The following PTPRM variants were observed in gnomAD, a reference collection of about 807,000 sequenced individuals.
The protein encoded by PTPRM is protein tyrosine phosphatase receptor type M, also known as receptor-type tyrosine-protein phosphatase mu.
Under a neutral mutation model 186.7 loss-of-function variants are expected in PTPRM, and 47 were observed. That is an observed-to-expected ratio of 0.25 (90% CI 0.20 to 0.32). The LOEUF is 0.32. PTPRM is among the 10% of genes least tolerant of loss of function. The pLI is 1.00. For synonymous variants in PTPRM, 668 were observed against 674.9 expected, an observed-to-expected ratio of 0.99 and a Z score of 0.16; for missense variants, 1,494 against 1,865.0, an observed-to-expected ratio of 0.80 and a Z score of 3.66.
At chr18:7,699,491 G>A (rs1006065775) in intron 1 of PTPRM, among the ~76,000 whole-genome samples, 5 of 151,958 alleles carry the variant, frequency 3.3e-5, no homozygotes, top group South Asian at 4.2e-4. Context: ...TTACTGCAAC[G>A]TCTGCCTCCC....
chr18:8,146,025 CTTTTTTTT>C lies in PTPRM; in HGVS notation c.2300+2257_2300+2264del, dbSNP rs33980345. The stretch of plus-strand genomic sequence containing the variant: ...TCCTGACTTTTTATTTCTTTCTTTT[CTTTTTTTT>C]TTTTTTTTTTGAGATGGAGTTGTTT... On this transcript the variant is annotated intron_variant, in intron 14 of 32. Coordinates refer to ENST00000580170, the MANE Select transcript of PTPRM (RefSeq NM_001105244.2). Among the ~76,000 whole-genome samples, 538 of 109,872 alleles carry C rather than the reference CTTTTTTTT, an allele frequency of 4.9e-3. 2 individuals are homozygous for C. Among genetic ancestry groups the C allele is most frequent in the Middle Eastern group, 9.6e-3 (2 of 208 alleles). The allele number at this position is 109,872 out of a possible 152,430, so 72.1% of individuals were successfully genotyped here. A position where few individuals can be genotyped will look rare whatever the true frequency, so the allele number is the denominator to read the frequency against.
At chr18:7,656,720 A>G (rs2078619509) in intron 1 of PTPRM, among the ~76,000 whole-genome samples, 1 of 152,184 alleles carries the variant, frequency 6.6e-6, no homozygotes. Context: ...TGCATTTGAC[A>G]AAACCCATTT....
At chr18:7,939,983 C>T (rs1210809526) in intron 5 of PTPRM, among the ~76,000 whole-genome samples, 1 of 152,046 alleles carries the variant, frequency 6.6e-6, no homozygotes, top group Non-Finnish European at 1.5e-5. Flanking sequence ...CTCAGTGGTA[C>T]CTGAGGTTCT....
intron 31 of PTPRM, among the ~76,000 whole-genome samples, chr18:8,387,735 AGTGTGTGT>A (rs1555897050): frequency 6.6e-6 from 1 of 151,268 alleles, no homozygotes; most frequent in South Asian, 2.1e-4. Flanking sequence ...AAGGACCTGG[AGTGTGTGT>A]GTGTGCGTGT....
chr18:8,278,638 T>C (rs1322211551), intron 19 of PTPRM, among the ~76,000 whole-genome samples: 2 of 152,214 alleles, frequency 1.3e-5, no homozygotes, highest in Non-Finnish European at 2.9e-5. Context: ...TTATTGGGTA[T>C]GTGCAAAATT....
chr18:8,306,373 C>A (rs616096), intron 20 of PTPRM, among the ~76,000 whole-genome samples: 12,830 of 152,186 alleles, frequency 0.084, 914 homozygotes, highest in Admixed American at 0.2. Context: ...GTTGTAGAGC[C>A]AGCATCAAAT....
intron 1 of PTPRM, among the ~76,000 whole-genome samples, chr18:7,570,087 C>T (rs2036531165): frequency 6.6e-6 from 1 of 152,114 alleles, no homozygotes; most frequent in Non-Finnish European, 1.5e-5. Flanking sequence ...GATTGCACCA[C>T]TGCACCCCAG....
chr18:7,739,885 C>T (rs1467398873), intron 1 of PTPRM, among the ~76,000 whole-genome samples: 1 of 152,154 alleles, frequency 6.6e-6, no homozygotes. Context: ...CTGTGTGTCT[C>T]TTAGAGTATT....
At chr18:8,289,471 CACATAT>C (rs2095001029) in intron 19 of PTPRM, among the ~76,000 whole-genome samples, 1 of 72,268 alleles carries the variant, frequency 1.4e-5, no homozygotes. Context: ...TATATATACA[CACATAT>C]GTATATATAT....
At chr18:8,266,042 A>G (rs890994721) in intron 19 of PTPRM, among the ~76,000 whole-genome samples, 10 of 152,058 alleles carry the variant, frequency 6.6e-5, no homozygotes, top group Non-Finnish European at 1.5e-4. Context: ...AAGTTTCTGA[A>G]TGAGGTGGTT....
At chr18:8,359,130 A>C (rs2095581387) in intron 23 of PTPRM, among the ~76,000 whole-genome samples, 2 of 152,244 alleles carry the variant, frequency 1.3e-5, no homozygotes, top group Non-Finnish European at 2.9e-5. Flanking sequence ...GTTTTCACTC[A>C]AATATCGATG....
intron 4 of PTPRM, among the ~76,000 whole-genome samples, chr18:7,925,445 A>G (rs1255201147): frequency 1.3e-5 from 2 of 152,144 alleles, no homozygotes; most frequent in Non-Finnish European, 2.9e-5. Flanking sequence ...TTTGTTCTGA[A>G]GTAGTAACTC....
chr18:8,198,387 G>T (rs1172375115), intron 14 of PTPRM, among the ~76,000 whole-genome samples: 1 of 152,122 alleles, frequency 6.6e-6, no homozygotes, highest in Non-Finnish European at 1.5e-5. Flanking sequence ...AGGCTAAAGC[G>T]ATCTGCCTAC....
Position 8,143,519 on chromosome 18 carries a change from A to G in PTPRM, c.2168-128A>G. 4.1e-6 allele frequency: 4 copies of G among 969,354 alleles called. No homozygotes were observed. The South Asian group carries it at 6.8e-5, about 16-fold the overall frequency. 60.0% of individuals were successfully genotyped at this position (969,354 alleles called of 1,614,324 possible). A position where few individuals can be genotyped will look rare whatever the true frequency, so the allele number is the denominator to read the frequency against. On this transcript the variant is annotated intron_variant, in intron 13 of 32. Transcript: ENST00000580170. ...CATATGAAAGCTGTTTAAAAAATCA[A>G]AGCTTGTCTGTCTGCTGGCTCTGAT...
chr18:8,036,709 G>T (rs1302805663), intron 7 of PTPRM, among the ~76,000 whole-genome samples: 1 of 152,084 alleles, frequency 6.6e-6, no homozygotes, highest in Non-Finnish European at 1.5e-5. Flanking sequence ...AATCTCTCAG[G>T]CACTCTCTGA....
chr18:7,815,090 A>G (rs1598854375), intron 2 of PTPRM: 3 of 152,360 alleles, frequency 2.0e-5, no homozygotes, highest in African/African-American at 7.2e-5. Flanking sequence ...GAAACTTTCC[A>G]GATCACAGCA....
chr18:7,836,710 A>G (rs752075080), intron 2 of PTPRM, among the ~76,000 whole-genome samples: 2 of 152,114 alleles, frequency 1.3e-5, no homozygotes, highest in African/African-American at 4.8e-5. Flanking sequence ...TTGTTTGTCT[A>G]TGATAGTCTT....
At chr18:8,232,991 T>C (rs1032606882) in intron 14 of PTPRM, among the ~76,000 whole-genome samples, 2 of 152,126 alleles carry the variant, frequency 1.3e-5, no homozygotes, top group Admixed American at 6.5e-5. Context: ...CCTGGAACAA[T>C]GGGTACTAGA....
intron 1 of PTPRM, among the ~76,000 whole-genome samples, chr18:7,737,247 C>T (rs1181144822): frequency 1.3e-5 from 2 of 152,108 alleles, no homozygotes; most frequent in Non-Finnish European, 2.9e-5. Context: ...AGGTGCCCGC[C>T]ACCACGCCCA....
Sources: allele counts gnomAD v4.1 joint callset (sites outside exome capture counted in the v4.1 genomes callset), GRCh38; gene constraint gnomAD v4.1.1; transcripts MANE v1.5; gene names NCBI Gene and HGNC (gene_info 2026-07-23, HGNC 2026-07-21).